The following PCDHGA5 variants were observed in gnomAD, a reference collection of about 807,000 sequenced individuals.
PCDHGA5 encodes protocadherin gamma subfamily A, 5.
A neutral mutation model predicts 56.7 loss-of-function variants in PCDHGA5; 36 were observed. The observed-to-expected ratio is 0.64, with a 90% CI of 0.49 to 0.84. The LOEUF is 0.84. Among genes scored for constraint, PCDHGA5 ranks in the 40% least tolerant of loss-of-function variants. The pLI, the probability that PCDHGA5 is intolerant of heterozygous loss-of-function variation, is 0.00. For synonymous variants in PCDHGA5, 563 were observed against 520.2 expected (o/e 1.08, Z -1.12); for missense variants, 1,305 against 1,201.5 (o/e 1.09, Z -1.27).
At chr5:141,451,954 G>A (rs2098729151) in intron 1 of PCDHGA5, among the ~76,000 whole-genome samples, 1 of 152,084 alleles carries the variant, frequency 6.6e-6, no homozygotes, top group Non-Finnish European at 1.5e-5. Flanking sequence ...CCGAGAAAGT[G>A]ACATACCATC....
intron 1 of PCDHGA5, among the ~76,000 whole-genome samples, chr5:141,437,434 G>T (rs183505868): frequency 2.6e-5 from 4 of 152,194 alleles, no homozygotes; most frequent in East Asian, 3.8e-4. Context: ...AGCAGCAATA[G>T]CATAGGAATG....
intron 1 of PCDHGA5, chr5:141,428,232 G>C (rs546567556): frequency 9.3e-7 from 1 of 1,071,494 alleles, no homozygotes; most frequent in African/African-American, 1.5e-5. Context: ...CAGACAGCCT[G>C]CAGGAGGCAC....
At chr5:141,367,958 C>A (rs1349298389) in intron 1 of PCDHGA5, among the ~76,000 whole-genome samples, 1 of 152,088 alleles carries the variant, frequency 6.6e-6, no homozygotes, top group African/African-American at 2.4e-5. Flanking sequence ...AATTTCATAT[C>A]TAACGTATGT....
At chr5:141,498,971 G>GGAAGGAA (rs2099787559) in intron 2 of PCDHGA5, among the ~76,000 whole-genome samples, 2 of 111,052 alleles carry the variant, frequency 1.8e-5, no homozygotes, top group African/African-American at 7.2e-5. Context: ...GAGGGAGGGA[G>GGAAGGAA]GGAAGGAAGG....
intron 1 of PCDHGA5, chr5:141,415,481 A>G: frequency 1.9e-6 from 3 of 1,614,114 alleles, no homozygotes; most frequent in Non-Finnish European, 1.7e-6. Flanking sequence ...GACTCGCGAA[A>G]GAGTCACCTG....
At position 141,410,750 on chromosome 5, in the gene PCDHGA5, A is replaced by G. The variant is rs1256862831; in HGVS notation, c.2421+43999A>G. Reference sequence around the variant, plus strand: ...CATAGCTTTTTACAATATTTTCTCAATGTTTTTTCAATTATAGTTTTCACT... The same window carrying G: ...CATAGCTTTTTACAATATTTTCTCAGTGTTTTTTCAATTATAGTTTTCACT... On this transcript the variant is annotated intron_variant, in intron 1 of 3. Coordinates refer to ENST00000518069, the MANE Select transcript of PCDHGA5 (RefSeq NM_018918.3). 23 of 1,243,022 alleles carry G rather than the reference A, an allele frequency of 1.9e-5. No homozygotes were observed. The East Asian group carries it at 4.4e-4, about 24-fold the overall frequency. 77.0% of individuals were successfully genotyped at this position (1,243,022 alleles called of 1,614,324 possible). A position where few individuals can be genotyped will look rare whatever the true frequency, so the allele number is the denominator to read the frequency against.
At chr5:141,492,673 C>T (rs2099743035) in intron 1 of PCDHGA5, among the ~76,000 whole-genome samples, 1 of 152,250 alleles carries the variant, frequency 6.6e-6, no homozygotes, top group Non-Finnish European at 1.5e-5. Flanking sequence ...GGGACTCCGT[C>T]TCAAGGGTCG....
In PCDHGA5 at chr5:141,366,727, A is replaced by C; in HGVS notation, c.2397A>C (p.Ala799=). 1 of 1,613,036 alleles carries C rather than the reference A, an allele frequency of 6.2e-7. No homozygotes were observed. Among genetic ancestry groups the C allele is most frequent in the Non-Finnish European group, 8.5e-7 (1 of 1,179,114 alleles). ...EPLLMSDKVD[A]NKEERRVQQA... ...TTCTGATGTCTGATAAGGTAGATGC[A>C]AACAAAGAAGAACGGCGAGTTCAGG... Residue 799 remains alanine, a synonymous_variant, in exon 1 of 4, where the codon GCA becomes GCC. Coordinates refer to ENST00000518069, the MANE Select transcript of PCDHGA5 (RefSeq NM_018918.3).
chr5:141,511,144 A>C lies in PCDHGA5; in HGVS notation c.2767A>C (p.Lys923Gln). 2 of 1,614,202 alleles carry C rather than the reference A, an allele frequency of 1.2e-6. No homozygotes were observed. The highest frequency in any genetic ancestry group is 1.7e-6 in the Non-Finnish European group (2 of 1,180,016). The change falls in exon 4 of 4, where the codon AAG becomes CAG. Residue 923 changes from lysine to glutamine, a missense_variant. By Grantham distance (53) the Lys-to-Gln change is moderately conservative. Transcript: ENST00000518069. Reference sequence around the variant, plus strand: ...CCCAGCAGGTGGCAATGGCAACAAGAAGAAGTCGGGCAAGAAGGAGAAGAA... The same window carrying C: ...CCCAGCAGGTGGCAATGGCAACAAGCAGAAGTCGGGCAAGAAGGAGAAGAA... ...KAPAGGNGNK[K>Q]KSGKKEKK
chr5:141,421,380 G>A, intron 1 of PCDHGA5: 1 of 1,614,064 alleles, frequency 6.2e-7, no homozygotes, highest in Non-Finnish European at 8.5e-7. Context: ...ATATCTCCAA[G>A]GACCTGGGGC....
chr5:141,390,500 C>G (rs2092162714), intron 1 of PCDHGA5: 3 of 614,492 alleles, frequency 4.9e-6, no homozygotes, highest in Non-Finnish European at 8.3e-6. Context: ...TTTAGCCAAG[C>G]TTAGATTTAT....
rs760709557 is a variant in PCDHGA5, at chr5:141,384,156, C to T, written c.2421+17405C>T. The T allele has an allele frequency of 1.6e-5, 26 of 1,613,342 alleles. No homozygotes were observed. The Admixed American group carries it at 4.2e-4, about 26-fold the overall frequency. ...ACCGGGAAACACTCTCTTTGTATAA[C>T]ATCACACTGAAAGCCACAGATGGTG... On this transcript the variant is annotated intron_variant, in intron 1 of 3. Transcript: ENST00000518069.
At chr5:141,419,904 C>G (rs2096446397) in intron 1 of PCDHGA5, 2 of 1,614,108 alleles carry the variant, frequency 1.2e-6, no homozygotes, top group Non-Finnish European at 1.7e-6. Flanking sequence ...CCCACACCCT[C>G]TGACTCCCAG....
At chr5:141,374,758 C>T in intron 1 of PCDHGA5, 1 of 1,613,200 alleles carries the variant, frequency 6.2e-7, no homozygotes, top group South Asian at 1.1e-5. Context: ...GCTCAAGCGT[C>T]GCCCAAATTC....
Position 141,491,522 on chromosome 5 carries a change from A to G in PCDHGA5, c.2422-3285A>G, listed in dbSNP as rs778246278. ...TCGGACGGCACGCTCAAGTACATGG[A>G]GGTGACGCTGCGGCCCACAGACTCG... is the stretch of plus-strand genomic sequence containing the variant. On this transcript the variant is annotated intron_variant, in intron 1 of 3. Coordinates refer to ENST00000518069, the MANE Select transcript of PCDHGA5 (RefSeq NM_018918.3). The surrounding 1 kb of genome is among the most constrained non-coding windows in gnomAD (Gnocchi z 6.9). 8.1e-6 allele frequency: 13 copies of G among 1,614,024 alleles called. No homozygotes were observed. Among genetic ancestry groups the G allele is most frequent in the Non-Finnish European group, 1.1e-5 (13 of 1,180,002 alleles).
chr5:141,418,822 A>C (rs780172404), intron 1 of PCDHGA5: 9 of 1,613,988 alleles, frequency 5.6e-6, no homozygotes, highest in Non-Finnish European at 7.6e-6. Flanking sequence ...ACATAGAAGC[A>C]AAAGACCGAG....
At chr5:141,503,814 T>C (rs539980053) in intron 2 of PCDHGA5, among the ~76,000 whole-genome samples, 2 of 152,100 alleles carry the variant, frequency 1.3e-5, no homozygotes, top group East Asian at 3.9e-4. Flanking sequence ...GAATCCCAGA[T>C]TGGGCAAAAC....
intron 3 of PCDHGA5, among the ~76,000 whole-genome samples, chr5:141,508,792 CT>C (rs1475631459): frequency 6.6e-6 from 1 of 152,130 alleles, no homozygotes; most frequent in Non-Finnish European, 1.5e-5. Flanking sequence ...CTAAATCACT[CT>C]GGAATCCTGG....
intron 1 of PCDHGA5, chr5:141,391,235 G>A (rs939140536): frequency 6.6e-6 from 1 of 151,890 alleles, no homozygotes; most frequent in Admixed American, 6.6e-5. Flanking sequence ...CTTTTGCTAG[G>A]TATATCTAAG....
Sources: gnomAD v4.1 joint callset for allele counts (sites outside exome capture counted in the v4.1 genomes callset) on GRCh38, gnomAD v4.1.1 for gene constraint, Gnocchi (gnomAD v3.1) non-coding constraint, MANE v1.5 for transcripts, NCBI Gene and HGNC (gene_info 2026-07-23, HGNC 2026-07-21) for gene names.